Variants in STX8 observed in about 807,000 individuals in gnomAD.
STX8 encodes the protein syntaxin 8.
A neutral mutation model predicts 37.5 loss-of-function variants in STX8; 23 were observed. The ratio of observed to expected loss-of-function variants is 0.61; its 90% CI spans 0.44 to 0.87. The LOEUF (loss-of-function observed/expected upper bound fraction) is 0.87. STX8 is among the 40% of genes least tolerant of loss of function. The pLI is 0.00. For synonymous variants in STX8, 115 were observed against 99.1 expected (o/e 1.16, Z -0.95); for missense variants, 313 against 284.7 (o/e 1.10, Z -0.71).
At chr17:9,456,085 A>G (rs1905178594) in intron 6 of STX8, among the ~76,000 whole-genome samples, 1 of 152,132 alleles carries the variant, frequency 6.6e-6, no homozygotes. Flanking sequence ...CCTAACTATC[A>G]GGGCTGTTAA....
intron 7 of STX8, among the ~76,000 whole-genome samples, chr17:9,376,996 G>A (rs1237769676): frequency 6.6e-6 from 1 of 152,164 alleles, no homozygotes; most frequent in African/African-American, 2.4e-5. Flanking sequence ...AGGGCAGGAT[G>A]GTCGGGCAGG....
At chr17:9,399,361 T>C (rs1912521842) in intron 6 of STX8, among the ~76,000 whole-genome samples, 2 of 152,078 alleles carry the variant, frequency 1.3e-5, no homozygotes, top group African/African-American at 4.8e-5. Context: ...GTGAGGCAAG[T>C]GTTACTAAAG....
At chr17:9,257,692 A>C (rs1310452277) in intron 7 of STX8, among the ~76,000 whole-genome samples, 1 of 140,026 alleles carries the variant, frequency 7.1e-6, no homozygotes, top group African/African-American at 2.9e-5. Context: ...GTCTTGAACC[A>C]AAACACATAT....
intron 5 of STX8, among the ~76,000 whole-genome samples, chr17:9,503,446 T>A (rs7215834): frequency 0.71 from 108,334 of 152,118 alleles, 38,839 homozygotes; most frequent in Middle Eastern, 0.85. Context: ...ATCATATACT[T>A]CAAACATGGG....
intron 7 of STX8, among the ~76,000 whole-genome samples, chr17:9,307,050 G>T (rs1045665351): frequency 1.3e-5 from 2 of 152,094 alleles, no homozygotes; most frequent in East Asian, 3.9e-4. Context: ...CTGGAACCTG[G>T]GAGGCAGAGG....
chr17:9,565,606 C>T (rs1399629148), intron 2 of STX8, among the ~76,000 whole-genome samples: 9 of 87,996 alleles, frequency 1.0e-4, no homozygotes, highest in African/African-American at 3.6e-4. Flanking sequence ...AGAAGAAACA[C>T]CGTCTCAAAA....
intron 7 of STX8, among the ~76,000 whole-genome samples, chr17:9,328,953 G>A (rs894167944): frequency 1.1e-4 from 17 of 149,280 alleles, no homozygotes; most frequent in Non-Finnish European, 2.2e-4. Context: ...AGGAGTCTGA[G>A]GCAGAAGAAT....
At chr17:9,396,802 G>T (rs887878093) in intron 6 of STX8, among the ~76,000 whole-genome samples, 1 of 151,426 alleles carries the variant, frequency 6.6e-6, no homozygotes, top group African/African-American at 2.4e-5. Flanking sequence ...TACAGCACAA[G>T]GAGTGAACCT....
chr17:9,529,421 T>A (rs1349282669), intron 4 of STX8, among the ~76,000 whole-genome samples: 1 of 152,228 alleles, frequency 6.6e-6, no homozygotes, highest in Non-Finnish European at 1.5e-5. Context: ...TTGCACTTAT[T>A]CTTTAATTCA....
rs1031394825 is a variant in STX8 at position 9,507,856 on chromosome 17, T to C, written c.324-2694A>G. On this transcript the variant is annotated intron_variant, in intron 4 of 7. Coordinates refer to ENST00000306357, the MANE Select transcript of STX8 (RefSeq NM_004853.3). This position sits in a 1 kb window ranked among gnomAD's most constrained non-coding sequence, Gnocchi z 4.0. ...AGAAACTACACAAAAACTACACTAC[T>C]ATGCCCACCTGGAACCAAAGCCAAT... 1.3e-5 allele frequency among the ~76,000 whole-genome samples: 2 copies of C among 152,082 alleles called. No homozygotes were observed. Among genetic ancestry groups the C allele is most frequent in the African/African-American group, 2.4e-5 (1 of 41,404 alleles).
intron 7 of STX8, among the ~76,000 whole-genome samples, chr17:9,300,550 G>A (rs891008512): frequency 2.6e-5 from 4 of 151,980 alleles, no homozygotes; most frequent in East Asian, 1.9e-4. Flanking sequence ...TATAGCTATC[G>A]TGAATGCAAT....
chr17:9,501,415 G>A (rs533566076), intron 5 of STX8, among the ~76,000 whole-genome samples: 18 of 152,184 alleles, frequency 1.2e-4, no homozygotes, highest in Non-Finnish European at 2.1e-4. Flanking sequence ...AGGCCCATAC[G>A]CGCAGCAGCT....
At chr17:9,343,043 A>T (rs1380133399) in intron 7 of STX8, among the ~76,000 whole-genome samples, 1 of 144,136 alleles carries the variant, frequency 6.9e-6, no homozygotes, top group South Asian at 2.3e-4. Flanking sequence ...AAAAAAAAAA[A>T]GCTGCAAATG....
chr17:9,562,195 A>G (rs1907261906), intron 2 of STX8, among the ~76,000 whole-genome samples: 1 of 151,712 alleles, frequency 6.6e-6, no homozygotes, highest in South Asian at 2.1e-4. Context: ...CAAGGTCAGG[A>G]GATCGAGATC....
chr17:9,448,369 C>T (rs966512553), intron 6 of STX8, among the ~76,000 whole-genome samples: 1 of 152,172 alleles, frequency 6.6e-6, no homozygotes, highest in Admixed American at 6.5e-5. Flanking sequence ...AGCAAGGCAA[C>T]GCCCTGCCTT....
chr17:9,524,762 A>T (rs948332665), intron 4 of STX8, among the ~76,000 whole-genome samples: 9 of 136,666 alleles, frequency 6.6e-5, no homozygotes, highest in African/African-American at 2.0e-4. Context: ...ACCTATTTTG[A>T]TTTGTTTTGT....
chr17:9,378,301 C>A, intron 7 of STX8: 1 of 402,942 alleles, frequency 2.5e-6, no homozygotes, highest in African/African-American at 2.0e-5. Context: ...TCTCTGTAAA[C>A]ACACAGAAAG....
chr17:9,411,823 C>A (rs190268904), intron 6 of STX8, among the ~76,000 whole-genome samples: 1 of 152,192 alleles, frequency 6.6e-6, no homozygotes, highest in Non-Finnish European at 1.5e-5. Context: ...AATCTCTCAG[C>A]CTTTTTAGAA....
At chr17:9,294,908 T>C (rs568091665) in intron 7 of STX8, among the ~76,000 whole-genome samples, 1 of 152,314 alleles carries the variant, frequency 6.6e-6, no homozygotes, top group East Asian at 1.9e-4. Context: ...ACTCTGAGCA[T>C]GCACAGAGGA....
Sources: gnomAD v4.1 joint callset for allele counts (sites outside exome capture counted in the v4.1 genomes callset) on GRCh38, gnomAD v4.1.1 for gene constraint, Gnocchi (gnomAD v3.1) non-coding constraint, MANE v1.5 for transcripts, NCBI Gene and HGNC (gene_info 2026-07-23, HGNC 2026-07-21) for gene names.